ZNF222: variants seen among roughly 807,000 people sequenced by gnomAD.
ZNF222 encodes zinc finger protein 222.
In ZNF222, 8 loss-of-function variants were observed where a neutral mutation model predicts 11.6. That is an observed-to-expected ratio of 0.69 (90% CI 0.41 to 1.25). The LOEUF is 1.25. Among genes scored for constraint, ZNF222 ranks in the 50% most tolerant of loss-of-function variants. The pLI, the probability that ZNF222 is intolerant of heterozygous loss-of-function variation, is 0.01. For synonymous variants in ZNF222, 171 were observed against 195.6 expected (o/e 0.87, Z 1.05); for missense variants, 483 against 576.1 (o/e 0.84, Z 1.65).
At chr19:44,026,780 C>T (rs943561062) in intron 1 of ZNF222, among the ~76,000 whole-genome samples, 1 of 152,122 alleles carries the variant, frequency 6.6e-6, no homozygotes, top group African/African-American at 2.4e-5. Flanking sequence ...AGTAAATGTC[C>T]TTTACCCACT....
intron 3 of ZNF222, 104 bp from the exon 4 acceptor site, chr19:44,031,713 C>G: frequency 7.7e-7 from 1 of 1,291,836 alleles, no homozygotes; most frequent in Non-Finnish European, 1.1e-6. Flanking sequence ...AAACTCCTGA[C>G]CTCACAGTCC....
Position 44,032,880 on chromosome 19 carries a change from T to C in ZNF222, c.1326T>C (p.Cys442=). 1 of 1,613,734 alleles carries C rather than the reference T, an allele frequency of 6.2e-7. No individual in the cohort carries two copies. The highest frequency in any genetic ancestry group is 8.5e-7 in the Non-Finnish European group (1 of 1,179,964). The change falls in exon 4 of 4, where the codon TGT becomes TGC. Residue 442 remains cysteine, a synonymous_variant. Coordinates refer to ENST00000391960, the MANE Select transcript of ZNF222 (RefSeq NM_001129996.2). ...CQRKPLKCED[C]GKRLVCRSYC... ...GAAAGCCATTGAAATGTGAAGACTG[T>C]GGAAAGAGGCTTGTATGCCGGTCAT...
intron 1 of ZNF222, chr19:44,026,050 G>C (rs371984048): frequency 6.2e-7 from 1 of 1,613,496 alleles, no homozygotes; most frequent in Non-Finnish European, 8.5e-7. Flanking sequence ...AAGAGCTGCA[G>C]GAAGGGACTT....
At chr19:44,027,658 C>A (rs369742131) in intron 3 of ZNF222, among the ~76,000 whole-genome samples, 168 bp downstream of exon 3, 1 of 139,886 alleles carries the variant, frequency 7.1e-6, no homozygotes, top group African/African-American at 2.6e-5. Flanking sequence ...TCTGTTCTTA[C>A]GGTAGCCAAA....
In ZNF222 at chr19:44,025,705, GTTTT is replaced by G; in HGVS notation, c.42+228_42+231del. On this transcript the variant is annotated intron_variant, in intron 1 of 3. Coordinates refer to ENST00000391960, the MANE Select transcript of ZNF222 (RefSeq NM_001129996.2). This position sits in a 1 kb window ranked among gnomAD's most constrained non-coding sequence, Gnocchi z 4.6. ...CCATTGCTGGTTCGTTTGTTTGTTT[GTTTT>G]GTAACGGGACTTTTCGGACCATCCT... is the stretch of plus-strand genomic sequence containing the variant. Among the ~76,000 whole-genome samples, 1 of 148,082 alleles carries G rather than the reference GTTTT, an allele frequency of 6.8e-6. No homozygotes were observed. Among genetic ancestry groups the G allele is most frequent in the Admixed American group, 6.8e-5 (1 of 14,662 alleles).
Position 44,032,074 on chromosome 19 carries a change from C to G in ZNF222, c.520C>G (p.Leu174Val). 6.2e-7 allele frequency: 1 copy of G among 1,614,204 alleles called. No homozygotes were observed. The highest frequency in any genetic ancestry group is 8.5e-7 in the Non-Finnish European group (1 of 1,180,036). Residue 174 changes from leucine to valine, a missense_variant, in exon 4 of 4, where the codon CTT (leucine) becomes GTT (valine). Physicochemically the swap from Leu to Val is conservative, Grantham distance 32. Transcript: ENST00000391960. ...CTTCAGTGATGTTTCCTTCTTTGAT[C>G]TTCCTCAGCAGTTATATTCAGGAGA... ...QFFSDVSFFDLPQQLYSGEKS... is the reference protein window; with the variant it reads ...QFFSDVSFFDVPQQLYSGEKS...
At chr19:44,026,014 C>CT (rs1976351011) in intron 1 of ZNF222, 2 of 1,607,066 alleles carry the variant, frequency 1.2e-6, no homozygotes, top group Non-Finnish European at 1.7e-6. Flanking sequence ...TCACAGCTTT[C>CT]TTTTTCCCCA....
At chr19:44,031,729 C>T in intron 3 of ZNF222, 88 bp from the exon 4 acceptor site, 2 of 1,443,332 alleles carry the variant, frequency 1.4e-6, no homozygotes, top group Non-Finnish European at 1.9e-6. Context: ...AGTCCACCCG[C>T]CTCGGCCTCC....
chr19:44,026,900 A>C, intron 1 of ZNF222, 123 bp from the exon 2 acceptor site: 1 of 1,467,518 alleles, frequency 6.8e-7, no homozygotes, highest in East Asian at 2.3e-5. Context: ...GAAATCTATA[A>C]GCTGACCTAT....
Position 44,025,896 on chromosome 19 carries a change from C to T in ZNF222, c.42+418C>T, listed in dbSNP as rs1976348912. 1.1e-6 allele frequency: 1 copy of T among 920,234 alleles called. No homozygotes were observed. Among genetic ancestry groups the T allele is most frequent in the Non-Finnish European group, 1.6e-6 (1 of 611,620 alleles). The allele number at this position is 920,234 out of a possible 1,614,324, so 57.0% of individuals were successfully genotyped here. The stretch of plus-strand genomic sequence containing the variant: ...GCTGCAGGGGCGCCGGCCCTTCTGC[C>T]TGATCCCTGCAGGACGCTGGATGAT... On this transcript the variant is annotated intron_variant, in intron 1 of 3. Coordinates refer to ENST00000391960, the MANE Select transcript of ZNF222 (RefSeq NM_001129996.2). This position sits in a 1 kb window ranked among gnomAD's most constrained non-coding sequence, Gnocchi z 4.6.
In ZNF222 at chr19:44,027,467, C is replaced by G. The variant is rs772449815; in HGVS notation, c.239C>G (p.Thr80Arg). 2.5e-6 allele frequency: 4 copies of G among 1,614,058 alleles called. No homozygotes were observed. The South Asian group carries it at 4.4e-5, about 18-fold the overall frequency. ...REEKFWVMGTTSQREGNLGGK... is the reference protein window; with the variant it reads ...REEKFWVMGTRSQREGNLGGK... The stretch of plus-strand genomic sequence containing the variant: ...GAAAAGTTTTGGGTGATGGGGACAA[C>G]AAGCCAAAGAGAAGGGAATTTGGGT... Residue 80 changes from threonine (T) to arginine (R), a missense_variant, in exon 3 of 4, where the codon ACA becomes AGA. Coordinates refer to ENST00000391960, the MANE Select transcript of ZNF222 (RefSeq NM_001129996.2).
Position 44,031,879 on chromosome 19 carries a change from T to G in ZNF222, c.325T>G (p.Cys109Gly), listed in dbSNP as rs1976507280. ...PEAGTHEEFSCKQIWEQIASD... is the reference protein window; with the variant it reads ...PEAGTHEEFSGKQIWEQIASD... ...AGCAGGAACACATGAAGAATTTTCC[T>G]GCAAGCAAATTTGGGAACAAATTGC... The change falls in exon 4 of 4, where the codon TGC (cysteine) becomes GGC (glycine). Residue 109 changes from cysteine (C) to glycine (G), a missense_variant. By Grantham distance (159) the Cys-to-Gly change is radical. Transcript: ENST00000391960. 3 of 1,614,218 alleles carry G rather than the reference T, an allele frequency of 1.9e-6. No homozygotes were observed. Among genetic ancestry groups the G allele is most frequent in the Non-Finnish European group, 2.5e-6 (3 of 1,180,026 alleles).
chr19:44,027,189 A>G (rs759938616), intron 2 of ZNF222, 40 bp downstream of exon 2: 5 of 1,609,016 alleles, frequency 3.1e-6, no homozygotes, highest in Non-Finnish European at 4.2e-6. Flanking sequence ...GTCAGGCCCC[A>G]GGAGTGGTTT....
At position 44,032,971 on chromosome 19, in the gene ZNF222, C is replaced by T. The variant is rs143714911; in HGVS notation, c.1417C>T (p.Arg473Cys). The T allele has an allele frequency of 4.8e-4, 764 of 1,578,314 alleles. 5 individuals carry two copies. In the East Asian group the frequency reaches 0.015, roughly 30 times the overall value. The change falls in exon 4 of 4, where the codon CGC (arginine) becomes TGC (cysteine). Residue 473 changes from arginine (R) to cysteine (C), a missense_variant. Coordinates refer to ENST00000391960, the MANE Select transcript of ZNF222 (RefSeq NM_001129996.2). Reference sequence around the variant, plus strand: ...ATCCAAATGTGAGGACTGTGGGAAGCGCTACAAGAGGCGCTTGAATCTGGA... The same window carrying T: ...ATCCAAATGTGAGGACTGTGGGAAGTGCTACAAGAGGCGCTTGAATCTGGA... The part of the protein sequence containing the change: ...NPSKCEDCGK[R>C]YKRRLNLDII...
chr19:44,027,685 G>A (rs1368498959), intron 3 of ZNF222, among the ~76,000 whole-genome samples, 195 bp downstream of exon 3: 4 of 140,156 alleles, frequency 2.9e-5, no homozygotes, highest in Non-Finnish European at 3.1e-5. Flanking sequence ...CGTAGGAAAC[G>A]GAAGTCACAT....
At chr19:44,030,257 T>A (rs1976474251) in intron 3 of ZNF222, among the ~76,000 whole-genome samples, 1 of 152,196 alleles carries the variant, frequency 6.6e-6, no homozygotes, top group Non-Finnish European at 1.5e-5. Context: ...TTACTATCCA[T>A]ATCAAAACAG....
At chr19:44,029,185 T>TG (rs1568503596) in intron 3 of ZNF222, among the ~76,000 whole-genome samples, 1 of 93,810 alleles carries the variant, frequency 1.1e-5, no homozygotes, top group African/African-American at 5.4e-5. Context: ...TGGTTTGTTT[T>TG]GTTTTGTTTT....
rs1976531760 is a variant in ZNF222 at position 44,032,613 on chromosome 19, T to C, written c.1059T>C (p.Tyr353=). ...HQMIHMGQKP[Y]NCKECGKSFK... Reference sequence around the variant, plus strand: ...TGATTCATATGGGACAGAAACCATATAATTGTAAAGAATGTGGGAAGAGCT... The same window carrying C: ...TGATTCATATGGGACAGAAACCATACAATTGTAAAGAATGTGGGAAGAGCT... Residue 353 remains tyrosine, a synonymous_variant, in exon 4 of 4, where the codon TAT becomes TAC. Transcript: ENST00000391960. 1 of 1,614,108 alleles carries C rather than the reference T, an allele frequency of 6.2e-7. No homozygotes were observed. The highest frequency in any genetic ancestry group is 1.1e-5 in the South Asian group (1 of 91,080).
chr19:44,031,456 T>C (rs925624148), intron 3 of ZNF222, among the ~76,000 whole-genome samples: 1 of 152,174 alleles, frequency 6.6e-6, no homozygotes, highest in African/African-American at 2.4e-5. Context: ...TTGGTGTTTT[T>C]GTTCGTTTGT....
Sources: gnomAD v4.1 joint callset for allele counts (sites outside exome capture counted in the v4.1 genomes callset) on GRCh38, gnomAD v4.1.1 for gene constraint, Gnocchi (gnomAD v3.1) non-coding constraint, MANE v1.5 for transcripts, NCBI Gene and HGNC (gene_info 2026-07-23, HGNC 2026-07-21) for gene names.